Variants in IPO11 observed in about 807,000 individuals in gnomAD.
IPO11 encodes importin 11.
IPO11 carries 66 observed loss-of-function variants against 143.2 expected under a neutral mutation model. The ratio of observed to expected loss-of-function variants is 0.46; its 90% CI spans 0.38 to 0.57. The LOEUF is 0.57. IPO11 is among the 20% of genes least tolerant of loss of function. The pLI, the probability that IPO11 is intolerant of heterozygous loss-of-function variation, is 0.00. For synonymous variants in IPO11, 385 were observed against 377.8 expected, an observed-to-expected ratio of 1.02 and a Z score of -0.22; for missense variants, 1,026 against 1,141.0, an observed-to-expected ratio of 0.90 and a Z score of 1.45.
At chr5:62,495,769 C>T (rs534622221) in intron 16 of IPO11, among the ~76,000 whole-genome samples, 1 of 152,004 alleles carries the variant, frequency 6.6e-6, no homozygotes, top group Non-Finnish European at 1.5e-5. Flanking sequence ...CTGCACTGGG[C>T]CCCGAAATTG....
chr5:62,577,087 G>A (rs1054286176), intron 27 of IPO11, among the ~76,000 whole-genome samples: 9 of 152,128 alleles, frequency 5.9e-5, no homozygotes, highest in Non-Finnish European at 1.3e-4. Context: ...AATCAGAAAA[G>A]GATAATGAGG....
chr5:62,497,901 G>A (rs1003076003), intron 16 of IPO11, among the ~76,000 whole-genome samples: 6 of 152,204 alleles, frequency 3.9e-5, no homozygotes, highest in South Asian at 2.1e-4. Context: ...TGAATAATAC[G>A]TAGTTTTCTT....
chr5:62,510,611 C>T (rs186319154), intron 19 of IPO11, among the ~76,000 whole-genome samples: 1 of 152,240 alleles, frequency 6.6e-6, no homozygotes, highest in Admixed American at 6.5e-5. Flanking sequence ...TCCTTAGTTG[C>T]CCCATATAGC....
chr5:62,450,690 G>T, intron 4 of IPO11, among the ~76,000 whole-genome samples: 1 of 149,484 alleles, frequency 6.7e-6, no homozygotes. Flanking sequence ...ACTCAGAATG[G>T]CTTCAGGTTT....
intron 19 of IPO11, among the ~76,000 whole-genome samples, 161 bp from the exon 20 acceptor site, chr5:62,515,227 T>A (rs1741974915): frequency 6.6e-6 from 1 of 152,198 alleles, no homozygotes; most frequent in African/African-American, 2.4e-5. Context: ...TTTTATGTAA[T>A]GTCTAATTTT....
At position 62,580,833 on chromosome 5, in the gene IPO11, A is replaced by AT. The variant is rs1466486529; in HGVS notation, c.2583-10738dup. On this transcript the variant is annotated intron_variant, in intron 27 of 29. Transcript: ENST00000325324. ...GAATTCCTACTTCACCTGCTGGTAG[A>AT]TTTTTTCAAGAGAATGCCTTTGGTA... 6.4e-6 allele frequency: 10 copies of AT among 1,551,230 alleles called. No homozygotes were observed. In the Admixed American group the frequency reaches 1.6e-4, roughly 24 times the overall value.
chr5:62,485,683 A>G (rs986111810), intron 12 of IPO11, among the ~76,000 whole-genome samples: 2 of 151,812 alleles, frequency 1.3e-5, no homozygotes, highest in African/African-American at 2.4e-5. Flanking sequence ...TGCAAAAAGT[A>G]AAAAAAGGAA....
chr5:62,563,684 G>T (rs905591539), intron 27 of IPO11, among the ~76,000 whole-genome samples: 1 of 151,976 alleles, frequency 6.6e-6, no homozygotes, highest in Admixed American at 6.6e-5. Context: ...ACCTCATATA[G>T]TCTGAAGATA....
At chr5:62,435,102 A>ATATATGTATATATATGTG (rs1561308767) in intron 1 of IPO11, among the ~76,000 whole-genome samples, 2 of 67,180 alleles carry the variant, frequency 3.0e-5, no homozygotes, top group East Asian at 9.6e-4. Context: ...GTATATATGT[A>ATATATGTATATATATGTG]TATATATGTA....
At chr5:62,497,821 G>A (rs931143736) in intron 16 of IPO11, among the ~76,000 whole-genome samples, 3 of 152,104 alleles carry the variant, frequency 2.0e-5, no homozygotes, top group Non-Finnish European at 4.4e-5. Flanking sequence ...ATTTATTTTT[G>A]AGTGTGATGT....
At chr5:62,607,142 AT>A (rs1161613289) in intron 29 of IPO11, among the ~76,000 whole-genome samples, 1 of 152,062 alleles carries the variant, frequency 6.6e-6, no homozygotes, top group African/African-American at 2.4e-5. Flanking sequence ...TATCTCCCTC[AT>A]TTTCCCCTCC....
rs199810881 is a variant in IPO11, at chr5:62,550,324, A to G, written c.2251-43A>G. ...CCTTACATGTGTTTTTCATAAAGCAATGACTTGCAGTATTATCACCAATCT... is the reference window on the plus strand; with the variant it reads ...CCTTACATGTGTTTTTCATAAAGCAGTGACTTGCAGTATTATCACCAATCT... On this transcript the variant is annotated intron_variant, in intron 24 of 29. Coordinates refer to ENST00000325324, the MANE Select transcript of IPO11 (RefSeq NM_016338.5). 1.6e-4 allele frequency: 229 copies of G among 1,408,928 alleles called. No homozygotes were observed. The East Asian group carries it at 3.6e-3, about 22-fold the overall frequency. The allele number at this position is 1,408,928 out of a possible 1,614,324, so 87.3% of individuals were successfully genotyped here.
chr5:62,536,923 A>G, intron 23 of IPO11, 142 bp downstream of exon 23: 1 of 1,014,690 alleles, frequency 9.9e-7, no homozygotes, highest in Non-Finnish European at 1.3e-6. Context: ...AGCATTTCCC[A>G]TTGCAGGGCA....
intron 27 of IPO11, among the ~76,000 whole-genome samples, chr5:62,578,262 C>T (rs778631362): frequency 6.6e-6 from 1 of 151,800 alleles, no homozygotes; most frequent in Non-Finnish European, 1.5e-5. Flanking sequence ...TTTTTTGCAA[C>T]CAAAAATATT....
At chr5:62,556,787 A>C (rs59024709) in intron 26 of IPO11, among the ~76,000 whole-genome samples, 69 of 152,130 alleles carry the variant, frequency 4.5e-4, no homozygotes, top group African/African-American at 1.6e-3. Context: ...ATTACTTCTC[A>C]TTGTCCTTTA....
chr5:62,491,049 A>G (rs1034717736), intron 15 of IPO11, among the ~76,000 whole-genome samples: 1 of 152,236 alleles, frequency 6.6e-6, no homozygotes, highest in African/African-American at 2.4e-5. Context: ...AAAATTGGAG[A>G]ATTTGAAAAA....
At chr5:62,455,504 C>CAG (rs1313662903) in intron 5 of IPO11, among the ~76,000 whole-genome samples, 2 of 152,130 alleles carry the variant, frequency 1.3e-5, no homozygotes, top group South Asian at 2.1e-4. Context: ...GCCTAGACGA[C>CAG]AGAGAGAGAG....
intron 27 of IPO11, among the ~76,000 whole-genome samples, chr5:62,563,891 A>G (rs1348384946): frequency 6.6e-6 from 1 of 152,180 alleles, no homozygotes; most frequent in Non-Finnish European, 1.5e-5. Flanking sequence ...GTCAACTTAC[A>G]TAAATTGAGG....
chr5:62,435,977 G>C (rs879499716), intron 1 of IPO11, among the ~76,000 whole-genome samples: 1 of 152,094 alleles, frequency 6.6e-6, no homozygotes, highest in Non-Finnish European at 1.5e-5. Flanking sequence ...AGTTGAGATT[G>C]TGCTGTTGCA....
Sources: allele counts gnomAD v4.1 joint callset (sites outside exome capture counted in the v4.1 genomes callset), GRCh38; gene constraint gnomAD v4.1.1; transcripts MANE v1.5; gene names NCBI Gene and HGNC (gene_info 2026-07-23, HGNC 2026-07-21).